CREB5: variants seen among roughly 807,000 people sequenced by gnomAD.
CREB5 encodes the protein cyclic AMP-responsive element-binding protein 5.
CREB5 carries 19 observed loss-of-function variants against 57.1 expected under a neutral mutation model. That is an observed-to-expected ratio of 0.33 (90% CI 0.23 to 0.49). CREB5 has a LOEUF of 0.49. Among genes scored for constraint, CREB5 ranks in the 20% least tolerant of loss-of-function variants. The pLI, the probability that CREB5 is intolerant of heterozygous loss-of-function variation, is 0.99. For missense variants in CREB5, 579 were observed against 671.6 expected (o/e 0.86, Z 1.52); for synonymous variants, 238 against 238.3 (o/e 1.00, Z 0.01).
intron 1 of CREB5, among the ~76,000 whole-genome samples, chr7:28,413,317 A>C (rs896511415): frequency 6.6e-5 from 10 of 152,246 alleles, no homozygotes; most frequent in East Asian, 3.9e-4. Context: ...TTAAAAAAAA[A>C]CAATAAAACA....
intron 1 of CREB5, among the ~76,000 whole-genome samples, chr7:28,365,387 CTCACCTTTGCTCCCGGAATTA>C (rs1209112455): frequency 6.6e-6 from 1 of 152,170 alleles, no homozygotes; most frequent in African/African-American, 2.4e-5. Flanking sequence ...ATCCCACACC[CTCACCTTTGCTCCCGGAATTA>C]TCACCTTTCC....
chr7:28,783,089 A>G (rs1319829066), intron 7 of CREB5, among the ~76,000 whole-genome samples: 3 of 152,218 alleles, frequency 2.0e-5, no homozygotes, highest in African/African-American at 7.2e-5. Flanking sequence ...TCTAACTGTT[A>G]GCATGATATG....
rs145169887 is a variant in CREB5 at position 28,528,972 on chromosome 7, A to G, written c.291+21235A>G. On this transcript the variant is annotated intron_variant, in intron 4 of 10. Coordinates refer to ENST00000357727, the MANE Select transcript of CREB5 (RefSeq NM_182898.4). ...GAGGTCATGAGAGGGTAGAACATCAATTGACTTTGCAATGATTCCTCATAA... is the reference window on the plus strand; with the variant it reads ...GAGGTCATGAGAGGGTAGAACATCAGTTGACTTTGCAATGATTCCTCATAA... Among the ~76,000 whole-genome samples, 44 of 152,278 alleles carry G rather than the reference A, an allele frequency of 2.9e-4. No individual in the cohort carries two copies. In the East Asian group the frequency reaches 8.3e-3, roughly 29 times the overall value.
chr7:28,342,957 T>C (rs993553502), intron 1 of CREB5, among the ~76,000 whole-genome samples: 2 of 152,074 alleles, frequency 1.3e-5, no homozygotes, highest in East Asian at 3.9e-4. Context: ...TTTTTTTTTC[T>C]TGAGATGGAG....
rs543192830 is a variant in CREB5, at chr7:28,760,400, T to C, written c.702+36068T>C. Among the ~76,000 whole-genome samples, 15 of 152,282 alleles carry C rather than the reference T, an allele frequency of 9.9e-5. No individual in the cohort carries two copies. In the East Asian group the frequency reaches 2.1e-3, roughly 22 times the overall value. On this transcript the variant is annotated intron_variant, in intron 7 of 10. Transcript: ENST00000357727. ...TAGCCTAGCCAGTGGGGAAAGATGT[T>C]TACAAGGGCCCACTGATTATACCAC...
In CREB5 at chr7:28,494,908, C is replaced by T. The variant is rs752978846; in HGVS notation, c.78C>T (p.Arg26=). The change falls in exon 3 of 11, where the codon CGC becomes CGT. Residue 26 remains arginine (R), a splice_region_variant and synonymous_variant. Transcript: ENST00000357727. ...CTTTTTTTTTATTCGTCCGACAGCG[C>T]TTCCCAACAGAGGACCATCTGATGA... The part of the protein sequence containing the change: ...FVCSAPGCSQ[R]FPTEDHLMIH... 19 of 1,587,314 alleles carry T rather than the reference C, an allele frequency of 1.2e-5. No individual in the cohort carries two copies. The highest frequency in any genetic ancestry group is 2.3e-5 in the East Asian group (1 of 44,372).
intron 7 of CREB5, among the ~76,000 whole-genome samples, chr7:28,738,431 C>T (rs1311255449): frequency 6.6e-6 from 1 of 152,208 alleles, no homozygotes; most frequent in East Asian, 1.9e-4. Flanking sequence ...TGCCAACACA[C>T]CCTCTGGAAC....
rs560372043 is a variant in CREB5 at position 28,318,697 on chromosome 7, C to T, written c.-25+19256C>T. On this transcript the variant is annotated intron_variant, in intron 1 of 9. Coordinates refer to the CREB5 transcript ENST00000396299. ...CAGAACCAGTTCCTGGTTCAGGGAT[C>T]GTGCCTAAAATGTCCTGCATCTAGT... Among the ~76,000 whole-genome samples, 9 of 152,184 alleles carry T rather than the reference C, an allele frequency of 5.9e-5. No homozygotes were observed. In the East Asian group the frequency reaches 1.2e-3, roughly 20 times the overall value.
chr7:28,427,425 A>G (rs1446705771), intron 1 of CREB5, among the ~76,000 whole-genome samples: 1 of 152,110 alleles, frequency 6.6e-6, no homozygotes, highest in Non-Finnish European at 1.5e-5. Flanking sequence ...AAATGATTCT[A>G]AAAAACACAT....
chr7:28,755,230 AG>A (rs1248939120), intron 7 of CREB5, among the ~76,000 whole-genome samples: 2 of 152,218 alleles, frequency 1.3e-5, no homozygotes, highest in African/African-American at 4.8e-5. Context: ...TTGTAAAGGA[AG>A]CAGAAGATGA....
At chr7:28,324,551 G>A (rs1056836341) in intron 1 of CREB5, among the ~76,000 whole-genome samples, 1 of 151,878 alleles carries the variant, frequency 6.6e-6, no homozygotes, top group African/African-American at 2.4e-5. Flanking sequence ...TCCTTCACTG[G>A]CTCCTCCTCC....
intron 1 of CREB5, among the ~76,000 whole-genome samples, chr7:28,465,839 G>A (rs974227851): frequency 6.6e-6 from 1 of 152,124 alleles, no homozygotes; most frequent in Admixed American, 6.5e-5. Context: ...GTCCATTTAT[G>A]TCAGCCTGCT....
chr7:28,334,107 T>C (rs1562661714), intron 1 of CREB5, among the ~76,000 whole-genome samples: 1 of 152,132 alleles, frequency 6.6e-6, no homozygotes, highest in Non-Finnish European at 1.5e-5. Flanking sequence ...CATATCTCAT[T>C]GTAGTTGTGA....
At chr7:28,651,760 C>A (rs751787941) in intron 5 of CREB5, among the ~76,000 whole-genome samples, 1 of 152,142 alleles carries the variant, frequency 6.6e-6, no homozygotes, top group Non-Finnish European at 1.5e-5. Flanking sequence ...CTTAACTGTG[C>A]ATATTACATT....
chr7:28,327,889 C>T (rs1417814574), intron 1 of CREB5, among the ~76,000 whole-genome samples: 3 of 152,176 alleles, frequency 2.0e-5, no homozygotes, highest in Non-Finnish European at 4.4e-5. Context: ...AAATGAGTTA[C>T]TTTATATTCC....
At chr7:28,683,908 T>C (rs1442277090) in intron 5 of CREB5, among the ~76,000 whole-genome samples, 3 of 152,040 alleles carry the variant, frequency 2.0e-5, no homozygotes, top group Non-Finnish European at 4.4e-5. Context: ...CAAAAAGATG[T>C]AAATTTGGAA....
At chr7:28,815,536 T>G (rs772813788) in intron 9 of CREB5, among the ~76,000 whole-genome samples, 2 of 152,204 alleles carry the variant, frequency 1.3e-5, no homozygotes, top group Non-Finnish European at 2.9e-5. Flanking sequence ...GCTCTTTTTA[T>G]AGTAAAACAG....
At chr7:28,465,181 G>A (rs1790513795) in intron 1 of CREB5, among the ~76,000 whole-genome samples, 2 of 152,198 alleles carry the variant, frequency 1.3e-5, no homozygotes, top group Admixed American at 1.3e-4. Flanking sequence ...GACTCTAGTA[G>A]GTACTGTAGA....
At chr7:28,776,890 C>T (rs62442195) in intron 7 of CREB5, among the ~76,000 whole-genome samples, 38,576 of 152,134 alleles carry the variant, frequency 0.25, 5,676 homozygotes, top group Non-Finnish European at 0.34. Context: ...TCCCTTTTTA[C>T]TGTTGAATAA....
Sources: gnomAD v4.1 joint callset for allele counts (sites outside exome capture counted in the v4.1 genomes callset) on GRCh38, gnomAD v4.1.1 for gene constraint, MANE v1.5 for transcripts, NCBI Gene and HGNC (gene_info 2026-07-23, HGNC 2026-07-21) for gene names.